PCNT: variants seen among roughly 807,000 people sequenced by gnomAD.
PCNT encodes pericentrin.
A neutral mutation model predicts 380.4 loss-of-function variants in PCNT; 319 were observed. The observed-to-expected ratio is 0.84, with a 90% confidence interval of 0.77 to 0.92. The LOEUF (loss-of-function observed/expected upper bound fraction) is 0.92, where lower values mean the gene tolerates loss of function less well. Ranked by LOEUF, PCNT falls within the 40% of genes least tolerant of loss-of-function variation. The pLI, the probability that PCNT is intolerant of heterozygous loss-of-function variation, is 0.00. For synonymous variants in PCNT, 1,845 were observed against 1,735.2 expected (o/e 1.06, Z -1.57); for missense variants, 4,400 against 4,255.3 (o/e 1.03, Z -0.95).
chr21:46,426,039 T>G (rs1384482971), intron 33 of PCNT, 68 bp downstream of exon 33: 19 of 1,450,950 alleles, frequency 1.3e-5, no homozygotes, highest in Non-Finnish European at 1.7e-5. Flanking sequence ...GGCCGCGTCC[T>G]TAGGGCCACG....
rs1177229119 is a variant in PCNT, at chr21:46,366,813, G to A, written c.2839G>A (p.Ala947Thr). Residue 947 changes from alanine (A) to threonine (T), a missense_variant, in exon 15 of 47, where the codon GCC (alanine) becomes ACC (threonine). Physicochemically the swap from Ala to Thr is moderately conservative, Grantham distance 58. Coordinates refer to ENST00000359568, the MANE Select transcript of PCNT (RefSeq NM_006031.6). ...KQGALLAARV[A>T]ELQTKHAADL... ...GGGGGCTCTGCTGGCTGCACGTGTG[G>A]CCGAACTGCAGACAAAACACGCTGC... 2.5e-6 allele frequency: 4 copies of A among 1,613,886 alleles called. No individual in the cohort carries two copies. The Admixed American group carries it at 6.7e-5, about 27-fold the overall frequency.
rs560480141 is a variant in PCNT at position 46,330,127 on chromosome 21, C to T, written c.267+3538C>T. Among the ~76,000 whole-genome samples, 15 of 151,908 alleles carry T rather than the reference C, an allele frequency of 9.9e-5. No individual in the cohort carries two copies. In the East Asian group the frequency reaches 2.1e-3, roughly 22 times the overall value. On this transcript the variant is annotated intron_variant, in intron 2 of 46. Transcript: ENST00000359568. Reference sequence around the variant, plus strand: ...GATCTTGGACATCAGCTTTTTCCCCCTTTTTTTTGAGATAGGGTCTTGTTT... The same window carrying T: ...GATCTTGGACATCAGCTTTTTCCCCTTTTTTTTTGAGATAGGGTCTTGTTT...
chr21:46,433,929 G>A (rs372187924), intron 38 of PCNT, among the ~76,000 whole-genome samples: 2 of 152,182 alleles, frequency 1.3e-5, no homozygotes, highest in Admixed American at 6.5e-5. Flanking sequence ...ATGTCACCAC[G>A]CCCAGCCCAG....
chr21:46,440,930 T>C lies in PCNT; in HGVS notation c.9469T>C (p.Leu3157=), dbSNP rs200605718. ...TCTGATTTATCAAAAGAAGTATCTT[T>C]TGCTGTTGATTGGTGGATTCCAGGA... ...KALIYQKKYL[L]LLIGGFQDSE... Residue 3157 remains leucine (L), a synonymous_variant, in exon 43 of 47, where the codon TTG becomes CTG. Coordinates refer to ENST00000359568, the MANE Select transcript of PCNT (RefSeq NM_006031.6). 13 of 1,613,542 alleles carry C rather than the reference T, an allele frequency of 8.1e-6. No homozygotes were observed. Among genetic ancestry groups the C allele is most frequent in the Non-Finnish European group, 1.1e-5 (13 of 1,179,508 alleles).
In PCNT at chr21:46,425,876, C is replaced by T. The variant is rs747818983; in HGVS notation, c.7225C>T (p.Leu2409=). Residue 2409 remains leucine, a synonymous_variant, in exon 33 of 47, where the codon CTG becomes TTG. Coordinates refer to ENST00000359568, the MANE Select transcript of PCNT (RefSeq NM_006031.6). The surrounding 1 kb of genome is among the most constrained non-coding windows in gnomAD (Gnocchi z 4.2). ...TGACGAGAGCCACCAGATCCTGGCG[C>T]TGTCAGAAGGCCTTGCACCCCCAAG... The part of the protein sequence containing the change: ...VRDESHQILA[L]SEGLAPPSGE... 6.2e-7 allele frequency: 1 copy of T among 1,613,868 alleles called. No homozygotes were observed. Among genetic ancestry groups the T allele is most frequent in the Non-Finnish European group, 8.5e-7 (1 of 1,180,036 alleles).
chr21:46,389,163 C>G (rs1443864201), intron 18 of PCNT, 36 bp from the exon 19 acceptor site: 3 of 1,591,790 alleles, frequency 1.9e-6, no homozygotes, highest in Non-Finnish European at 2.6e-6. Context: ...GGCTTGCTCA[C>G]TGAGCCGCGT....
chr21:46,365,568 T>TTCACTGCCATGGGGTTCTGG (rs2084888158), intron 14 of PCNT, among the ~76,000 whole-genome samples: 1 of 99,878 alleles, frequency 1.0e-5, no homozygotes, highest in Non-Finnish European at 2.2e-5. Flanking sequence ...TGGGGTTCTG[T>TTCACTGCCATGGGGTTCTGG]TCACTCCCAT....
intron 27 of PCNT, among the ~76,000 whole-genome samples, chr21:46,404,185 C>T (rs1224120794): frequency 1.3e-5 from 2 of 151,412 alleles, no homozygotes; most frequent in African/African-American, 2.4e-5. Context: ...ATGAACACAG[C>T]GTGGGAATGC....
At chr21:46,325,584 C>T (rs2083362449) in intron 1 of PCNT, among the ~76,000 whole-genome samples, 1 of 152,202 alleles carries the variant, frequency 6.6e-6, no homozygotes, top group African/African-American at 2.4e-5. Context: ...TTTCTGGGTC[C>T]ATGAGCTTGT....
intron 27 of PCNT, among the ~76,000 whole-genome samples, chr21:46,405,085 A>G (rs1366906026): frequency 6.6e-6 from 1 of 152,200 alleles, no homozygotes; most frequent in East Asian, 1.9e-4. Context: ...AAATTTTTTT[A>G]AAAAATTTAG....
At chr21:46,338,069 G>A (rs1053584417) in intron 3 of PCNT, among the ~76,000 whole-genome samples, 25 of 152,082 alleles carry the variant, frequency 1.6e-4, no homozygotes, top group Admixed American at 3.9e-4. Context: ...TGTAGAGACA[G>A]GGTCTCACTG....
At chr21:46,352,295 C>T (rs2084301569) in intron 9 of PCNT, among the ~76,000 whole-genome samples, 1 of 152,260 alleles carries the variant, frequency 6.6e-6, no homozygotes, top group Non-Finnish European at 1.5e-5. Flanking sequence ...AGGCCTGGCT[C>T]CGCCTCCCAG....
intron 27 of PCNT, among the ~76,000 whole-genome samples, chr21:46,407,022 T>A (rs1244231370): frequency 1.3e-5 from 2 of 152,230 alleles, no homozygotes. Context: ...TGCATAATTG[T>A]CTTTTCTTGC....
chr21:46,410,773 G>A (rs1418947681), intron 27 of PCNT, among the ~76,000 whole-genome samples: 4 of 152,250 alleles, frequency 2.6e-5, no homozygotes, highest in Non-Finnish European at 4.4e-5. Flanking sequence ...TCACCGCTTT[G>A]TTGGTGCAGA....
rs200998009 is a variant in PCNT at position 46,363,666 on chromosome 21, G to A, written c.2341G>A (p.Glu781Lys). The change falls in exon 14 of 47, where the codon GAG becomes AAG. Residue 781 changes from glutamate (E) to lysine (K), a missense_variant. Physicochemically the swap from Glu to Lys is moderately conservative, Grantham distance 56. Transcript: ENST00000359568. ...LLELREKAESEKQTIINKFEL... is the reference protein window; with the variant it reads ...LLELREKAESKKQTIINKFEL... Reference sequence around the variant, plus strand: ...TGAACTGAGAGAAAAGGCTGAATCCGAGAAACAGACCATCATAAACAAGTT... The same window carrying A: ...TGAACTGAGAGAAAAGGCTGAATCCAAGAAACAGACCATCATAAACAAGTT... 6 of 1,614,216 alleles carry A rather than the reference G, an allele frequency of 3.7e-6. No homozygotes were observed. The highest frequency in any genetic ancestry group is 3.3e-5 in the South Asian group (3 of 91,088).
At chr21:46,380,265 C>A (rs2072088975) in intron 15 of PCNT, among the ~76,000 whole-genome samples, 2 of 146,886 alleles carry the variant, frequency 1.4e-5, no homozygotes, top group African/African-American at 5.1e-5. Flanking sequence ...AGGTTCACAC[C>A]ATTCTCCTGC....
At position 46,363,884 on chromosome 21, in the gene PCNT, G is replaced by C. The variant is rs757405970; in HGVS notation, c.2559G>C (p.Ala853=). ...PPTAQDGELA[A]LHVKEDCALQ... ...CAGCCCAGGACGGGGAGCTTGCTGC[G>C]CTCCACGTGAAGGAAGACTGCGCCC... The change falls in exon 14 of 47, where the codon GCG becomes GCC. Residue 853 remains alanine (A), a synonymous_variant. Transcript: ENST00000359568. The C allele has an allele frequency of 1.2e-6, 2 of 1,610,858 alleles. No individual in the cohort carries two copies. Among genetic ancestry groups the C allele is most frequent in the Admixed American group, 1.7e-5 (1 of 59,998 alleles).
intron 12 of PCNT, 71 bp from the exon 13 acceptor site, chr21:46,356,903 C>T: frequency 7.6e-7 from 1 of 1,324,366 alleles, no homozygotes; most frequent in East Asian, 2.3e-5. Flanking sequence ...GCCGTTCTGC[C>T]TGTGCGGACT....
At chr21:46,377,193 G>T (rs1447310917) in intron 15 of PCNT, among the ~76,000 whole-genome samples, 1 of 152,190 alleles carries the variant, frequency 6.6e-6, no homozygotes, top group Non-Finnish European at 1.5e-5. Context: ...CATTGTTGAC[G>T]TCTTCCTCCT....
Sources: allele counts gnomAD v4.1 joint callset (sites outside exome capture counted in the v4.1 genomes callset), GRCh38; gene constraint gnomAD v4.1.1; non-coding constraint Gnocchi (gnomAD v3.1); transcripts MANE v1.5; gene names NCBI Gene and HGNC (gene_info 2026-07-23, HGNC 2026-07-21).